Variants in CBFA2T2 observed in about 807,000 individuals in gnomAD.
The protein encoded by CBFA2T2 is protein CBFA2T2.
Under a neutral mutation model 62.2 loss-of-function variants are expected in CBFA2T2, and 11 were observed. The observed-to-expected ratio is 0.18, with a 90% CI of 0.11 to 0.29. The LOEUF (loss-of-function observed/expected upper bound fraction) is 0.29. Among genes scored for constraint, CBFA2T2 ranks in the 10% least tolerant of loss-of-function variants. CBFA2T2 has a pLI of 1.00. For missense variants in CBFA2T2, 592 were observed against 774.1 expected, an observed-to-expected ratio of 0.76 and a Z score of 2.79; for synonymous variants, 295 against 287.5, an observed-to-expected ratio of 1.03 and a Z score of -0.27.
chr20:33,582,792 A>G (rs990128960), intron 1 of CBFA2T2, among the ~76,000 whole-genome samples: 9 of 151,908 alleles, frequency 5.9e-5, no homozygotes, highest in Non-Finnish European at 8.8e-5. Context: ...AAATACAAAC[A>G]TTAGCCAGGT....
intron 3 of CBFA2T2, among the ~76,000 whole-genome samples, 167 bp downstream of exon 3, chr20:33,611,502 G>A (rs897587623): frequency 2.0e-5 from 3 of 152,018 alleles, no homozygotes; most frequent in African/African-American, 7.2e-5. Context: ...TTAAATGTAG[G>A]TTTCTTTTCT....
At chr20:33,516,511 A>T (rs1464994567) in intron 1 of CBFA2T2, among the ~76,000 whole-genome samples, 1 of 151,850 alleles carries the variant, frequency 6.6e-6, no homozygotes, top group Admixed American at 6.6e-5. Context: ...GCAGTGGCTC[A>T]CGCCTATAAT....
At chr20:33,619,680 T>G in intron 4 of CBFA2T2, 74 bp downstream of exon 4, 1 of 1,114,428 alleles carries the variant, frequency 9.0e-7, no homozygotes, top group Non-Finnish European at 1.3e-6. Context: ...TTACGTGATT[T>G]AAATCAGAGC....
At chr20:33,589,142 C>A (rs967661840) in intron 1 of CBFA2T2, among the ~76,000 whole-genome samples, 1 of 152,136 alleles carries the variant, frequency 6.6e-6, no homozygotes. Context: ...AGAGCTGCAA[C>A]ATAAAAGTGG....
At chr20:33,499,796 G>T (rs1054564569) in intron 1 of CBFA2T2, among the ~76,000 whole-genome samples, 7 of 151,914 alleles carry the variant, frequency 4.6e-5, no homozygotes, top group Non-Finnish European at 7.4e-5. Context: ...AATCCTGGGC[G>T]ACAGAGTGAG....
chr20:33,550,416 T>A lies in CBFA2T2; in HGVS notation c.35-56540T>A, dbSNP rs546705752. On this transcript the variant is annotated intron_variant, in intron 1 of 10. Coordinates refer to ENST00000342704, the MANE Select transcript of CBFA2T2 (RefSeq NM_001032999.3). ...TTTTAATTAAATGGAGGGATTGGCTTGGATTCTTTCTAAGCTAATGCTTTG... is the reference window on the plus strand; with the variant it reads ...TTTTAATTAAATGGAGGGATTGGCTAGGATTCTTTCTAAGCTAATGCTTTG... Among the ~76,000 whole-genome samples, 49 of 152,312 alleles carry A rather than the reference T, an allele frequency of 3.2e-4. 1 individual carries two copies. The highest frequency in any genetic ancestry group is 9.4e-4 in the African/African-American group (39 of 41,584).
At chr20:33,632,116 CT>C (rs372435150) in intron 8 of CBFA2T2, among the ~76,000 whole-genome samples, 211 of 151,934 alleles carry the variant, frequency 1.4e-3, no homozygotes, top group African/African-American at 4.9e-3. Flanking sequence ...AGTGCACATT[CT>C]TGGCTCATTG....
chr20:33,512,208 G>A (rs2011523247), intron 1 of CBFA2T2, among the ~76,000 whole-genome samples: 1 of 151,974 alleles, frequency 6.6e-6, no homozygotes, highest in African/African-American at 2.4e-5. Context: ...GCATGGCGGT[G>A]TGCAGGCGGT....
intron 1 of CBFA2T2, among the ~76,000 whole-genome samples, chr20:33,501,003 T>C (rs1439212469): frequency 2.6e-5 from 4 of 152,326 alleles, no homozygotes; most frequent in Admixed American, 2.6e-4. Flanking sequence ...AAATATAGTA[T>C]ATAGACTATG....
At chr20:33,510,214 G>GT (rs555466860) in intron 1 of CBFA2T2, among the ~76,000 whole-genome samples, 5,799 of 140,726 alleles carry the variant, frequency 0.041, 189 homozygotes, top group Non-Finnish European at 0.073. Flanking sequence ...TTTTTTTCTT[G>GT]TTTTTTTTTT....
chr20:33,514,031 G>T (rs1324476811), intron 1 of CBFA2T2, among the ~76,000 whole-genome samples: 1 of 143,860 alleles, frequency 7.0e-6, no homozygotes, highest in African/African-American at 2.6e-5. Flanking sequence ...CTCCCAAGTA[G>T]CTGGGATTGC....
intron 1 of CBFA2T2, among the ~76,000 whole-genome samples, chr20:33,501,321 T>C (rs1315621376): frequency 6.6e-6 from 1 of 152,252 alleles, no homozygotes; most frequent in Non-Finnish European, 1.5e-5. Context: ...TCTTTGTTAA[T>C]TTAGCCATCT....
chr20:33,629,382 CA>C (rs1004709018), intron 7 of CBFA2T2, among the ~76,000 whole-genome samples: 1 of 152,230 alleles, frequency 6.6e-6, no homozygotes, highest in Non-Finnish European at 1.5e-5. Context: ...GGTTCAGCCA[CA>C]GCAAATTTAC....
At chr20:33,598,340 G>A (rs986690257) in intron 1 of CBFA2T2, among the ~76,000 whole-genome samples, 2 of 152,086 alleles carry the variant, frequency 1.3e-5, no homozygotes, top group Non-Finnish European at 2.9e-5. Flanking sequence ...AGAGACAGGC[G>A]CACCTAGGGG....
chr20:33,617,235 G>GAA (rs535518006), intron 3 of CBFA2T2, among the ~76,000 whole-genome samples: 1 of 148,970 alleles, frequency 6.7e-6, no homozygotes, highest in African/African-American at 2.5e-5. Context: ...CCCTATCTCT[G>GAA]AAAAAAAAAA....
Position 33,611,146 on chromosome 20 carries a change from G to A in CBFA2T2, c.231G>A (p.Pro77=), listed in dbSNP as rs778223017. 17 of 1,614,060 alleles carry A rather than the reference G, an allele frequency of 1.1e-5. No homozygotes were observed. The highest frequency in any genetic ancestry group is 1.4e-5 in the Non-Finnish European group (17 of 1,180,002). ...SPPTLNGAPS[P]PQRFSNGPAS... ...CTACCCTGAATGGTGCCCCATCACCGCCACAGAGATTCAGCAATGGTCCTG... is the reference window on the plus strand; with the variant it reads ...CTACCCTGAATGGTGCCCCATCACCACCACAGAGATTCAGCAATGGTCCTG... Residue 77 remains proline, a synonymous_variant, in exon 3 of 11, where the codon CCG becomes CCA. Coordinates refer to ENST00000342704, the MANE Select transcript of CBFA2T2 (RefSeq NM_001032999.3).
At chr20:33,519,174 A>C (rs918621788) in intron 1 of CBFA2T2, among the ~76,000 whole-genome samples, 1 of 152,188 alleles carries the variant, frequency 6.6e-6, no homozygotes, top group Non-Finnish European at 1.5e-5. Context: ...CAGGAAAAAA[A>C]ATATACAGAT....
chr20:33,536,073 C>A (rs972844399), intron 1 of CBFA2T2, among the ~76,000 whole-genome samples: 1 of 152,248 alleles, frequency 6.6e-6, no homozygotes, highest in Non-Finnish European at 1.5e-5. Flanking sequence ...CTACTTCTTT[C>A]TACACAGACA....
intron 2 of CBFA2T2, among the ~76,000 whole-genome samples, chr20:33,609,295 G>GT (rs1383356651): frequency 6.6e-6 from 1 of 152,164 alleles, no homozygotes; most frequent in Non-Finnish European, 1.5e-5. Flanking sequence ...GAGGTCAGGA[G>GT]TTCGAGACCA....
Sources: allele counts gnomAD v4.1 joint callset (sites outside exome capture counted in the v4.1 genomes callset), GRCh38; gene constraint gnomAD v4.1.1; transcripts MANE v1.5; gene names NCBI Gene and HGNC (gene_info 2026-07-23, HGNC 2026-07-21).